The following ZNF609 variants were observed in gnomAD, a reference collection of about 807,000 sequenced individuals.
ZNF609 encodes zinc finger protein 609.
In ZNF609, 11 loss-of-function variants were observed where a neutral mutation model predicts 109.5. That is an observed-to-expected ratio of 0.10 (90% CI 0.06 to 0.17). The LOEUF (loss-of-function observed/expected upper bound fraction) is 0.17, where lower values mean the gene tolerates loss of function less well. ZNF609 is among the 10% of genes least tolerant of loss of function. The pLI, the probability that ZNF609 is intolerant of heterozygous loss-of-function variation, is 1.00. For synonymous variants in ZNF609, 646 were observed against 662.0 expected (o/e 0.98, Z 0.37); for missense variants, 1,559 against 1,772.4 (o/e 0.88, Z 2.16).
Position 64,679,806 on chromosome 15 carries a change from T to C in ZNF609, c.3770-379T>C, listed in dbSNP as rs535180511. 4.6e-5 allele frequency among the ~76,000 whole-genome samples: 7 copies of C among 152,348 alleles called. No individual in the cohort carries two copies. The Middle Eastern group carries it at 0.014, about 296-fold the overall frequency. On this transcript the variant is annotated intron_variant, in intron 6 of 9. Coordinates refer to ENST00000326648, the MANE Select transcript of ZNF609 (RefSeq NM_015042.2). Reference sequence around the variant, plus strand: ...AAGAAACTGAAGCTCAAAACAGTTATTTATTTGCTCAAGGTTACCAAGCTA... The same window carrying C: ...AAGAAACTGAAGCTCAAAACAGTTACTTATTTGCTCAAGGTTACCAAGCTA...
In ZNF609 at chr15:64,562,301, C is replaced by A. The variant is rs547974933; in HGVS notation, c.748-60526C>A. ...AGTTATCATTTATTTTGGGTGCCTT[C>A]AAAGTAGACTATGCTAGGCAACAAT... On this transcript the variant is annotated intron_variant, in intron 2 of 9. Transcript: ENST00000326648. 2.0e-5 allele frequency among the ~76,000 whole-genome samples: 3 copies of A among 152,294 alleles called. No homozygotes were observed. In the East Asian group the frequency reaches 5.8e-4, roughly 29 times the overall value.
intron 2 of ZNF609, among the ~76,000 whole-genome samples, chr15:64,583,524 T>C (rs72742934): frequency 0.048 from 7,324 of 152,076 alleles, 235 homozygotes; most frequent in South Asian, 0.086. Flanking sequence ...CTGTAGGTCT[T>C]TTGTCTTAGG....
rs945152595 is a variant in ZNF609 at position 64,681,814 on chromosome 15, T to G, written c.*128T>G. ...ATCATCCTGTTTGCCGTTTCCACCA[T>G]GACTGAAGGCAGACCCTTGGCTATC... On this transcript the variant is annotated 3_prime_UTR_variant, in exon 10 of 10. Transcript: ENST00000326648. 3.2e-5 allele frequency: 5 copies of G among 158,442 alleles called. No homozygotes were observed. Among genetic ancestry groups the G allele is most frequent in the African/African-American group, 1.2e-4 (5 of 41,630 alleles). The allele number at this position is 158,442 out of a possible 1,614,324, so 9.8% of individuals were successfully genotyped here.
At chr15:64,462,672 A>G (rs1391475742) in intron 1 of ZNF609, among the ~76,000 whole-genome samples, 5 of 152,230 alleles carry the variant, frequency 3.3e-5, no homozygotes, top group Admixed American at 3.3e-4. Context: ...GTCAATAATA[A>G]TAGCACAACA....
At chr15:64,536,730 C>T (rs531669078) in intron 2 of ZNF609, among the ~76,000 whole-genome samples, 1 of 148,818 alleles carries the variant, frequency 6.7e-6, no homozygotes, top group African/African-American at 2.5e-5. Flanking sequence ...TCCACCCCCC[C>T]CCCCAAAAAA....
intron 2 of ZNF609, among the ~76,000 whole-genome samples, chr15:64,600,111 A>G (rs1437746615): frequency 6.6e-6 from 1 of 152,184 alleles, no homozygotes; most frequent in Non-Finnish European, 1.5e-5. Context: ...TAAGTCCAGG[A>G]GTTCAAGACG....
intron 1 of ZNF609, among the ~76,000 whole-genome samples, chr15:64,468,580 G>T (rs1001850667): frequency 6.6e-6 from 1 of 151,952 alleles, no homozygotes; most frequent in Non-Finnish European, 1.5e-5. Flanking sequence ...TGTAGAGATG[G>T]AGTCTCACTA....
In ZNF609 at chr15:64,619,002, C is replaced by A. The variant is rs189438542; in HGVS notation, c.748-3825C>A. On this transcript the variant is annotated intron_variant, in intron 2 of 9. Coordinates refer to ENST00000326648, the MANE Select transcript of ZNF609 (RefSeq NM_015042.2). ...CCCTGATGGAGCCCTAGCCAGGGAC[C>A]ATGCCCTCCTCTACCCAGCACTTCC... Among the ~76,000 whole-genome samples, 171 of 152,256 alleles carry A rather than the reference C, an allele frequency of 1.1e-3. 1 individual carries two copies. Among genetic ancestry groups the A allele is most frequent in the African/African-American group, 4.1e-3 (170 of 41,556 alleles).
At chr15:64,612,612 G>A (rs535416902) in intron 2 of ZNF609, among the ~76,000 whole-genome samples, 2 of 146,814 alleles carry the variant, frequency 1.4e-5, no homozygotes, top group Non-Finnish European at 3.0e-5. Context: ...TGGAAGCTCA[G>A]CAGTCCAGGA....
intron 2 of ZNF609, among the ~76,000 whole-genome samples, chr15:64,503,483 G>A (rs891051390): frequency 6.6e-6 from 1 of 152,228 alleles, no homozygotes; most frequent in East Asian, 1.9e-4. Flanking sequence ...AGTGTCCTGA[G>A]CTTAGTGCTT....
At chr15:64,657,739 A>T (rs549483084) in intron 3 of ZNF609, among the ~76,000 whole-genome samples, 1 of 152,242 alleles carries the variant, frequency 6.6e-6, no homozygotes, top group African/African-American at 2.4e-5. Context: ...AGGTAAGTTA[A>T]TGAGGACTTA....
chr15:64,588,426 TAA>T (rs1167575851), intron 2 of ZNF609, among the ~76,000 whole-genome samples: 8 of 5,902 alleles, frequency 1.4e-3, no homozygotes, highest in Admixed American at 4.1e-3. Context: ...ACACTCTGTC[TAA>T]AAAAAAAAAA....
At chr15:64,560,886 A>G (rs1349174041) in intron 2 of ZNF609, among the ~76,000 whole-genome samples, 2 of 152,192 alleles carry the variant, frequency 1.3e-5, no homozygotes, top group Non-Finnish European at 2.9e-5. Context: ...TCAGTGAGAA[A>G]AACAGCATCT....
intron 3 of ZNF609, among the ~76,000 whole-genome samples, chr15:64,658,405 C>T (rs906217511): frequency 1.4e-4 from 21 of 152,240 alleles, no homozygotes; most frequent in East Asian, 7.7e-4. Flanking sequence ...CCATGTTGAT[C>T]AGATTGGTCT....
At chr15:64,662,901 A>T (rs1223766832) in intron 3 of ZNF609, among the ~76,000 whole-genome samples, 1 of 151,582 alleles carries the variant, frequency 6.6e-6, no homozygotes, top group African/African-American at 2.4e-5. Context: ...TCCGGACCTA[A>T]GATGATCCAC....
upstream of ZNF609, among the ~76,000 whole-genome samples, chr15:64,459,714 G>A (rs1217466218): frequency 6.6e-6 from 1 of 152,094 alleles, no homozygotes; most frequent in Admixed American, 6.6e-5. Flanking sequence ...TGAGAATTAA[G>A]GTAAATTTGT....
chr15:64,675,655 G>T lies in ZNF609; in HGVS notation c.2801G>T (p.Ser934Ile). 6.2e-7 allele frequency: 1 copy of T among 1,614,062 alleles called. No individual in the cohort carries two copies. The highest frequency in any genetic ancestry group is 8.5e-7 in the Non-Finnish European group (1 of 1,180,028). Reference protein sequence around the residue: ...LKTKRDEEPESIEGKVKNDIC... With the variant: ...LKTKRDEEPEIIEGKVKNDIC... ...ACAAAAAGGGATGAGGAACCTGAGAGCATAGAAGGGAAAGTGAAGAACGAT... is the reference window on the plus strand; with the variant it reads ...ACAAAAAGGGATGAGGAACCTGAGATCATAGAAGGGAAAGTGAAGAACGAT... The change falls in exon 5 of 10, where the codon AGC (serine) becomes ATC (isoleucine). Residue 934 changes from serine (S) to isoleucine (I), a missense_variant. By Grantham distance (142) the Ser-to-Ile change is moderately radical (BLOSUM62 -2). Coordinates refer to ENST00000326648, the MANE Select transcript of ZNF609 (RefSeq NM_015042.2).
At chr15:64,618,230 T>G (rs185071284) in intron 2 of ZNF609, among the ~76,000 whole-genome samples, 1 of 152,208 alleles carries the variant, frequency 6.6e-6, no homozygotes, top group African/African-American at 2.4e-5. Context: ...GACAAAACTT[T>G]CCTCCTGAAA....
Position 64,683,215 on chromosome 15 carries a change from G to A in ZNF609, c.*1529G>A, listed in dbSNP as rs2083221455. On this transcript the variant is annotated 3_prime_UTR_variant, in exon 10 of 10. Transcript: ENST00000326648. ...ATGACCCTCTGGATTGAGAGAGAGA[G>A]ATAAAGACTGACAGACACCAGTGTA... The A allele has an allele frequency of 6.6e-6, 1 of 152,586 alleles. No individual in the cohort carries two copies. The highest frequency in any genetic ancestry group is 6.5e-5 in the Admixed American group (1 of 15,270). 9.5% of individuals were successfully genotyped at this position (152,586 alleles called of 1,614,324 possible). A position where few individuals can be genotyped will look rare whatever the true frequency, so the allele number is the denominator to read the frequency against.
Sources: gnomAD v4.1 joint callset for allele counts (sites outside exome capture counted in the v4.1 genomes callset) on GRCh38, gnomAD v4.1.1 for gene constraint, MANE v1.5 for transcripts, NCBI Gene and HGNC (gene_info 2026-07-23, HGNC 2026-07-21) for gene names.